ADGRV1: variants seen among roughly 807,000 people sequenced by gnomAD.
ADGRV1 encodes the protein adhesion G protein-coupled receptor V1.
In ADGRV1, 359 loss-of-function variants were observed where a neutral mutation model predicts 596.2. The observed-to-expected ratio is 0.60, with a 90% confidence interval of 0.55 to 0.66. The LOEUF is 0.66. Among genes scored for constraint, ADGRV1 ranks in the 30% least tolerant of loss-of-function variants. The probability of loss-of-function intolerance (pLI) is 0.00; values close to 1 mark genes in which losing one functional copy is unlikely to be tolerated. For synonymous variants in ADGRV1, 2,681 were observed against 2,679.2 expected, an observed-to-expected ratio of 1.00 and a Z score of -0.02; for missense variants, 7,274 against 7,575.6, an observed-to-expected ratio of 0.96 and a Z score of 1.48.
At chr5:90,722,716 C>CAAAAAAAAAAAAAAAAAA (rs55761821) in intron 45 of ADGRV1, among the ~76,000 whole-genome samples, 2 of 32,900 alleles carry the variant, frequency 6.1e-5, no homozygotes, top group African/African-American at 2.5e-4. Context: ...AACTCCGTCT[C>CAAAAAAAAAAAAAAAAAA]AAAAAAAAAA....
intron 85 of ADGRV1, among the ~76,000 whole-genome samples, chr5:91,063,907 A>G (rs1440896059): frequency 6.6e-6 from 1 of 152,106 alleles, no homozygotes; most frequent in Non-Finnish European, 1.5e-5. Flanking sequence ...GAACAACACA[A>G]ATTCCAGTAG....
chr5:90,960,144 A>C (rs1041102634), intron 83 of ADGRV1, among the ~76,000 whole-genome samples: 2 of 145,530 alleles, frequency 1.4e-5, no homozygotes, highest in African/African-American at 2.7e-5. Context: ...TCTCAAAAAA[A>C]AAAAAAAAAC....
At chr5:90,749,936 C>G (rs374455149) in intron 52 of ADGRV1, among the ~76,000 whole-genome samples, 1 of 152,088 alleles carries the variant, frequency 6.6e-6, no homozygotes, top group Admixed American at 6.6e-5. Flanking sequence ...AGGCCATGAG[C>G]TAAGGATGAA....
chr5:91,016,050 G>A (rs1181084750), intron 85 of ADGRV1, among the ~76,000 whole-genome samples: 1 of 151,830 alleles, frequency 6.6e-6, no homozygotes, highest in Non-Finnish European at 1.5e-5. Flanking sequence ...TTGTAAGGCA[G>A]GTCTGATGGT....
chr5:90,973,367 C>T (rs1389302065), intron 84 of ADGRV1, among the ~76,000 whole-genome samples: 1 of 152,158 alleles, frequency 6.6e-6, no homozygotes, highest in Non-Finnish European at 1.5e-5. Context: ...CCAGCATCAT[C>T]CTGACACCAA....
chr5:90,764,604 G>T (rs920800366), intron 59 of ADGRV1, among the ~76,000 whole-genome samples: 7 of 152,146 alleles, frequency 4.6e-5, no homozygotes, highest in African/African-American at 1.4e-4. Flanking sequence ...GTCCCAAGGG[G>T]ACTTTGATGG....
intron 29 of ADGRV1, among the ~76,000 whole-genome samples, chr5:90,686,532 A>C (rs1298605904): frequency 6.6e-6 from 1 of 152,068 alleles, no homozygotes; most frequent in African/African-American, 2.4e-5. Flanking sequence ...TGTCCCTACA[A>C]AGGACATGAA....
At position 90,658,230 on chromosome 5, in the gene ADGRV1, T is replaced by C; in HGVS notation, c.4704T>C (p.Ser1568=). 9.1e-6 allele frequency: 14 copies of C among 1,545,648 alleles called. No homozygotes were observed. The highest frequency in any genetic ancestry group is 1.2e-5 in the Non-Finnish European group (14 of 1,146,180). The part of the protein sequence containing the change: ...NTTARLTIQK[S]DNANGLFGFT... The stretch of plus-strand genomic sequence containing the variant: ...CTGCAAGATTAACAATACAAAAAAG[T>C]GACAATGCAAATGGCTTGTTTGGTT... Residue 1568 remains serine (S), a synonymous_variant, in exon 21 of 90, where the codon AGT becomes AGC. Coordinates refer to ENST00000405460, the MANE Select transcript of ADGRV1 (RefSeq NM_032119.4).
At chr5:90,745,298 T>C in intron 51 of ADGRV1, 33 bp downstream of exon 51, 1 of 1,334,840 alleles carries the variant, frequency 7.5e-7, no homozygotes, top group Non-Finnish European at 1.0e-6. Context: ...AGTATCTTTA[T>C]GTTCACTGTA....
intron 83 of ADGRV1, among the ~76,000 whole-genome samples, chr5:90,928,340 C>A (rs1277737779): frequency 6.6e-6 from 1 of 151,830 alleles, no homozygotes; most frequent in Non-Finnish European, 1.5e-5. Flanking sequence ...TCTTTTTATT[C>A]TTTTTTCTCT....
intron 1 of ADGRV1, among the ~76,000 whole-genome samples, chr5:90,595,893 C>G (rs1162956260): frequency 1.3e-5 from 2 of 149,860 alleles, no homozygotes; most frequent in Admixed American, 1.3e-4. Context: ...GGGGCTGACC[C>G]CCCCCACCTC....
rs869133714 is a variant in ADGRV1, at chr5:90,569,387, ATTTTTTTTTTTTT to A, written c.22+10486_22+10498del. 3.7e-3 allele frequency among the ~76,000 whole-genome samples: 60 copies of A among 16,366 alleles called. 1 individual carries two copies. Among genetic ancestry groups the A allele is most frequent in the African/African-American group, 0.014 (53 of 3,870 alleles). The allele number at this position is 16,366 out of a possible 152,430, so 10.7% of individuals were successfully genotyped here. A position where few individuals can be genotyped will look rare whatever the true frequency, so the allele number is the denominator to read the frequency against. ...TATATATATATATATATATATATATATTTTTTTTTTTTTTTTTTTTTTTTTTTTCTCATTCTTA... is the reference window on the plus strand; with the variant it reads ...TATATATATATATATATATATATATATTTTTTTTTTTTTTTCTCATTCTTA... On this transcript the variant is annotated intron_variant, in intron 1 of 89. Transcript: ENST00000405460.
intron 4 of ADGRV1, among the ~76,000 whole-genome samples, chr5:90,620,339 C>G (rs1350869757): frequency 4.6e-5 from 7 of 152,182 alleles, no homozygotes; most frequent in Non-Finnish European, 4.4e-5. Context: ...ATTTGCATTT[C>G]TCTGATGGCC....
At chr5:90,562,908 A>C (rs1197977996) in intron 1 of ADGRV1, among the ~76,000 whole-genome samples, 1 of 152,168 alleles carries the variant, frequency 6.6e-6, no homozygotes, top group Non-Finnish European at 1.5e-5. Flanking sequence ...TAATTTCATA[A>C]ATCTATTTGT....
intron 86 of ADGRV1, among the ~76,000 whole-genome samples, chr5:91,074,078 C>T (rs892989334): frequency 3.3e-5 from 5 of 152,280 alleles, no homozygotes; most frequent in South Asian, 2.1e-4. Flanking sequence ...TACTTTTTCA[C>T]GGGACACAGA....
chr5:91,049,883 G>A (rs1233539278), intron 85 of ADGRV1, among the ~76,000 whole-genome samples: 1 of 152,116 alleles, frequency 6.6e-6, no homozygotes, highest in Non-Finnish European at 1.5e-5. Context: ...AGGAGGCCCT[G>A]GAATCAATGC....
chr5:91,076,198 T>C (rs1262851045), intron 86 of ADGRV1, among the ~76,000 whole-genome samples: 1 of 152,190 alleles, frequency 6.6e-6, no homozygotes, highest in Non-Finnish European at 1.5e-5. Context: ...TTTACAGAAA[T>C]TCTAGAAACT....
At chr5:91,058,676 T>C (rs1581926462) in intron 85 of ADGRV1, among the ~76,000 whole-genome samples, 1 of 152,160 alleles carries the variant, frequency 6.6e-6, no homozygotes, top group East Asian at 1.9e-4. Context: ...GTGCCTCTTT[T>C]TGAATGACCC....
In ADGRV1 at chr5:90,896,332, G is replaced by A. The variant is rs573650477; in HGVS notation, c.17856+32475G>A. Among the ~76,000 whole-genome samples the A allele has an allele frequency of 9.8e-5, 14 of 143,430 alleles. No homozygotes were observed. The South Asian group carries it at 2.0e-3, about 21-fold the overall frequency. 94.1% of individuals were successfully genotyped at this position (143,430 alleles called of 152,430 possible). The stretch of plus-strand genomic sequence containing the variant: ...GTCTCTGGGGCTGGAGTGCAGTGGC[G>A]TGATTGCAGCTTACTGTGGCCTCAA... On this transcript the variant is annotated intron_variant, in intron 83 of 89. Coordinates refer to ENST00000405460, the MANE Select transcript of ADGRV1 (RefSeq NM_032119.4).
Sources: allele counts gnomAD v4.1 joint callset (sites outside exome capture counted in the v4.1 genomes callset), GRCh38; gene constraint gnomAD v4.1.1; transcripts MANE v1.5; gene names NCBI Gene and HGNC (gene_info 2026-07-23, HGNC 2026-07-21).